The following AUTS2 variants were observed in gnomAD, a reference collection of about 807,000 sequenced individuals.
The protein encoded by AUTS2 is autism susceptibility gene 2 protein.
Under a neutral mutation model 112.4 loss-of-function variants are expected in AUTS2, and 17 were observed. The ratio of observed to expected loss-of-function variants is 0.15; its 90% confidence interval spans 0.10 to 0.23. The LOEUF (loss-of-function observed/expected upper bound fraction) is 0.23. Among genes scored for constraint, AUTS2 ranks in the 10% least tolerant of loss-of-function variants. The pLI is 1.00. For missense variants in AUTS2, 1,510 were observed against 1,701.6 expected (o/e 0.89, Z 1.98); for synonymous variants, 751 against 702.7 (o/e 1.07, Z -1.09).
intron 2 of AUTS2, among the ~76,000 whole-genome samples, chr7:70,047,653 A>G (rs1801566677): frequency 6.6e-6 from 1 of 152,202 alleles, no homozygotes; most frequent in Non-Finnish European, 1.5e-5. Context: ...GATCACTCTT[A>G]GTATTGGTAT....
intron 4 of AUTS2, among the ~76,000 whole-genome samples, chr7:70,345,068 C>A (rs1178428634): frequency 6.6e-6 from 1 of 152,166 alleles, no homozygotes; most frequent in Admixed American, 6.5e-5. Context: ...TGTATGCTGA[C>A]GTCTTCTGAT....
chr7:69,868,413 T>A lies in AUTS2; in HGVS notation c.310-30873T>A, dbSNP rs550842983. On this transcript the variant is annotated intron_variant, in intron 1 of 18. Coordinates refer to ENST00000342771, the MANE Select transcript of AUTS2 (RefSeq NM_015570.4). ...TTGTGCCCAGCTCTCTTAGCTCAAT[T>A]TCTTCTGGCATAAAGATTCTTAACA... Among the ~76,000 whole-genome samples the A allele has an allele frequency of 2.6e-4, 40 of 152,312 alleles. No homozygotes were observed. In the East Asian group the frequency reaches 6.9e-3, roughly 26 times the overall value.
intron 2 of AUTS2, among the ~76,000 whole-genome samples, chr7:69,941,171 A>AT (rs1363032051): frequency 1.3e-5 from 2 of 152,170 alleles, no homozygotes; most frequent in Non-Finnish European, 2.9e-5. Flanking sequence ...ATGTGGTACC[A>AT]TTGATAAGCC....
chr7:70,593,282 G>A (rs755751709), intron 5 of AUTS2, among the ~76,000 whole-genome samples: 9 of 152,166 alleles, frequency 5.9e-5, no homozygotes, highest in Non-Finnish European at 1.0e-4. Context: ...ATAATGCTTC[G>A]TGCTGTGCAG....
chr7:70,729,804 A>G (rs1033806460), intron 6 of AUTS2, among the ~76,000 whole-genome samples: 3 of 152,218 alleles, frequency 2.0e-5, no homozygotes, highest in African/African-American at 4.8e-5. Flanking sequence ...GCACAATGTC[A>G]TGAACTTCTA....
At chr7:70,117,117 G>GTTTTTTT (rs60488343) in intron 2 of AUTS2, among the ~76,000 whole-genome samples, 2 of 73,090 alleles carry the variant, frequency 2.7e-5, no homozygotes, top group South Asian at 3.9e-4. Flanking sequence ...TTTTTTTTTT[G>GTTTTTTT]TTTTTTTTTG....
intron 5 of AUTS2, among the ~76,000 whole-genome samples, chr7:70,563,591 G>A (rs966645795): frequency 6.6e-6 from 1 of 152,192 alleles, no homozygotes; most frequent in Admixed American, 6.5e-5. Context: ...AGTGGGTAGA[G>A]AATGAGGAGA....
chr7:70,055,961 G>A (rs2129560006), intron 2 of AUTS2, among the ~76,000 whole-genome samples: 2 of 151,800 alleles, frequency 1.3e-5, no homozygotes, highest in East Asian at 3.9e-4. Flanking sequence ...TGAGATTATA[G>A]GCGTGAGCCA....
intron 1 of AUTS2, among the ~76,000 whole-genome samples, chr7:69,611,474 G>C (rs1288445929): frequency 2.0e-5 from 3 of 152,146 alleles, no homozygotes; most frequent in African/African-American, 7.2e-5. Flanking sequence ...GATTGTTCCA[G>C]GTCACCTTCA....
At chr7:69,848,789 CA>C (rs1351613080) in intron 1 of AUTS2, among the ~76,000 whole-genome samples, 1 of 152,174 alleles carries the variant, frequency 6.6e-6, no homozygotes, top group Non-Finnish European at 1.5e-5. Flanking sequence ...ACATCCAGCA[CA>C]ACATTCAATT....
At chr7:70,639,652 C>T (rs1003506888) in intron 5 of AUTS2, among the ~76,000 whole-genome samples, 10 of 146,790 alleles carry the variant, frequency 6.8e-5, no homozygotes, top group African/African-American at 2.5e-4. Context: ...AATCAGTCAT[C>T]CCCACTGGGA....
At chr7:70,607,954 C>A (rs949422688) in intron 5 of AUTS2, among the ~76,000 whole-genome samples, 1 of 152,180 alleles carries the variant, frequency 6.6e-6, no homozygotes, top group East Asian at 1.9e-4. Context: ...TTAAAACCCT[C>A]ATTTCTACAA....
At chr7:70,379,678 A>G (rs1442217728) in intron 4 of AUTS2, among the ~76,000 whole-genome samples, 1 of 152,180 alleles carries the variant, frequency 6.6e-6, no homozygotes, top group Non-Finnish European at 1.5e-5. Context: ...TAAACTGTCA[A>G]CAGAAATATT....
At chr7:70,385,313 A>C (rs1184741513) in intron 4 of AUTS2, among the ~76,000 whole-genome samples, 1 of 152,238 alleles carries the variant, frequency 6.6e-6, no homozygotes, top group African/African-American at 2.4e-5. Context: ...AAAAGCCACA[A>C]GGAGGTCATT....
At chr7:70,531,789 A>G (rs980896723) in intron 5 of AUTS2, among the ~76,000 whole-genome samples, 1 of 152,138 alleles carries the variant, frequency 6.6e-6, no homozygotes, top group Non-Finnish European at 1.5e-5. Flanking sequence ...TATCCAAACC[A>G]TATCAAGGAT....
intron 1 of AUTS2, among the ~76,000 whole-genome samples, chr7:69,774,213 A>G (rs1788796904): frequency 6.6e-6 from 1 of 152,112 alleles, no homozygotes; most frequent in African/African-American, 2.4e-5. Flanking sequence ...GAAGTTTGAG[A>G]CCAGCCTGGG....
At chr7:69,654,749 C>A (rs143948891) in intron 1 of AUTS2, among the ~76,000 whole-genome samples, 2 of 152,124 alleles carry the variant, frequency 1.3e-5, no homozygotes, top group Non-Finnish European at 2.9e-5. Flanking sequence ...TCAACCTAAG[C>A]ACTTACTGTC....
At chr7:70,553,573 T>C (rs117872540) in intron 5 of AUTS2, among the ~76,000 whole-genome samples, 2 of 152,148 alleles carry the variant, frequency 1.3e-5, no homozygotes, top group Admixed American at 6.5e-5. Flanking sequence ...TACAGAAAAC[T>C]GTCTACTTGT....
intron 5 of AUTS2, among the ~76,000 whole-genome samples, chr7:70,511,333 G>T (rs758966180): frequency 6.6e-6 from 1 of 151,636 alleles, no homozygotes; most frequent in Non-Finnish European, 1.5e-5. Context: ...TTCCAAATGC[G>T]GAAACTGGAT....
Sources: gnomAD v4.1 joint callset for allele counts (sites outside exome capture counted in the v4.1 genomes callset) on GRCh38, gnomAD v4.1.1 for gene constraint, MANE v1.5 for transcripts, NCBI Gene and HGNC (gene_info 2026-07-23, HGNC 2026-07-21) for gene names.